Variants in SAMD5 observed in about 807,000 individuals in gnomAD.
SAMD5 encodes sterile alpha motif domain-containing protein 5.
In SAMD5, 13 loss-of-function variants were observed where a neutral mutation model predicts 11.3. The observed-to-expected ratio is 1.15, with a 90% CI of 0.75 to 1.83. The LOEUF is 1.83. Among genes scored for constraint, SAMD5 ranks in the 40% most tolerant of loss-of-function variants. The pLI is 0.00. For synonymous variants in SAMD5, 129 were observed against 111.3 expected (o/e 1.16, Z -1.00); for missense variants, 255 against 239.1 (o/e 1.07, Z -0.44).
rs368223383 is a variant in SAMD5, at chr6:147,659,306, GT to G, written c.163-78002del. Among the ~76,000 whole-genome samples the G allele has an allele frequency of 3.7e-3, 557 of 149,434 alleles. 2 individuals carry two copies. Among genetic ancestry groups the G allele is most frequent in the African/African-American group, 0.012 (491 of 40,758 alleles). On this transcript the variant is annotated intron_variant, in intron 1 of 1. Coordinates refer to the SAMD5 transcript ENST00000566741. ...TTATTGAATGTGGCAGGGAAATTTT[GT>G]TTTTTTTTCATGTCCCTGGTTCTGT...
intron 1 of SAMD5, chr6:147,729,953 C>T (rs1232732273): frequency 3.8e-5 from 16 of 416,344 alleles, no homozygotes; most frequent in South Asian, 1.3e-4. Flanking sequence ...GGTGTGATGG[C>T]GTGTGCCTGT....
chr6:147,615,349 G>T lies in SAMD5; in HGVS notation c.162+105962G>T, dbSNP rs144727707. 3.8e-3 allele frequency among the ~76,000 whole-genome samples: 579 copies of T among 152,086 alleles called. 3 individuals carry two copies. Among genetic ancestry groups the T allele is most frequent in the African/African-American group, 0.013 (542 of 41,518 alleles). On this transcript the variant is annotated intron_variant, in intron 1 of 1. Coordinates refer to the SAMD5 transcript ENST00000566741. ...AAAGCTCATTGAAATTTTAAATTAG[G>T]CTATATTAATGCCATGTGAATAAAT...
intron 1 of SAMD5, among the ~76,000 whole-genome samples, chr6:147,698,901 G>T (rs1380808171): frequency 1.3e-5 from 2 of 152,174 alleles, no homozygotes; most frequent in Admixed American, 1.3e-4. Context: ...ACTTTCAGTG[G>T]AGAGGTATCA....
chr6:147,941,499 A>C, the SAMD5 span, among the ~76,000 whole-genome samples: 1 of 152,206 alleles, frequency 6.6e-6, no homozygotes, highest in Non-Finnish European at 1.5e-5. Context: ...AACTGCTTAC[A>C]TTTCAGTTTA....
At chr6:147,523,053 C>T (rs1456948945) in intron 1 of SAMD5, among the ~76,000 whole-genome samples, 1 of 152,074 alleles carries the variant, frequency 6.6e-6, no homozygotes, top group Non-Finnish European at 1.5e-5. Context: ...TCTTCATCCT[C>T]CACTCTTCTA....
In SAMD5 at chr6:147,682,376, CTGTT is replaced by C. The variant is rs545896183; in HGVS notation, c.163-54934_163-54931del. Among the ~76,000 whole-genome samples, 180 of 152,258 alleles carry C rather than the reference CTGTT, an allele frequency of 1.2e-3. No individual in the cohort carries two copies. The Middle Eastern group carries it at 0.02, about 17-fold the overall frequency. On this transcript the variant is annotated intron_variant, in intron 1 of 1. Coordinates refer to the SAMD5 transcript ENST00000566741. ...TTGTATCTTGACCAGAATTGGAAGT[CTGTT>C]TGTTTGATCAGGAGTAGAAGTCTAT...
intron 1 of SAMD5, among the ~76,000 whole-genome samples, chr6:147,541,781 T>C (rs1227904617): frequency 6.6e-6 from 1 of 152,084 alleles, no homozygotes; most frequent in Non-Finnish European, 1.5e-5. Context: ...ATTGTCCTAT[T>C]CTCCGTCTGA....
At chr6:147,789,912 G>A in the SAMD5 span, among the ~76,000 whole-genome samples, 4 of 152,190 alleles carry the variant, frequency 2.6e-5, no homozygotes, top group Non-Finnish European at 4.4e-5. Context: ...TATTAGAAGG[G>A]CTAAAATCCA....
At chr6:147,769,261 G>A in the SAMD5 span, among the ~76,000 whole-genome samples, 4 of 152,212 alleles carry the variant, frequency 2.6e-5, no homozygotes, top group Non-Finnish European at 4.4e-5. Context: ...AGATTGCAAC[G>A]AATCAAGTGC....
At chr6:147,838,273 C>T in the SAMD5 span, among the ~76,000 whole-genome samples, 1 of 152,002 alleles carries the variant, frequency 6.6e-6, no homozygotes, top group Non-Finnish European at 1.5e-5. Flanking sequence ...CTGACAAATA[C>T]CATAAAATAT....
chr6:147,927,144 C>A, the SAMD5 span, among the ~76,000 whole-genome samples: 1 of 151,998 alleles, frequency 6.6e-6, no homozygotes, highest in South Asian at 2.1e-4. Flanking sequence ...CTTGGTTATT[C>A]GGGCTTTTTT....
intron 1 of SAMD5, among the ~76,000 whole-genome samples, chr6:147,575,212 T>A (rs1361324330): frequency 6.6e-6 from 1 of 152,230 alleles, no homozygotes; most frequent in Non-Finnish European, 1.5e-5. Flanking sequence ...GGCCCTGTTG[T>A]CCTCACAGGT....
chr6:147,673,818 G>A (rs1790828632), intron 1 of SAMD5, among the ~76,000 whole-genome samples: 1 of 152,136 alleles, frequency 6.6e-6, no homozygotes, highest in African/African-American at 2.4e-5. Flanking sequence ...ATGAAAGATG[G>A]AGGGAAAAGG....
the SAMD5 span, among the ~76,000 whole-genome samples, chr6:147,918,263 T>A: frequency 6.6e-6 from 1 of 152,206 alleles, no homozygotes; most frequent in Non-Finnish European, 1.5e-5. Context: ...TAGTTCTGCT[T>A]GAAGAGGTCC....
the SAMD5 span, among the ~76,000 whole-genome samples, chr6:147,785,866 CT>C: frequency 6.6e-6 from 1 of 152,172 alleles, no homozygotes; most frequent in Non-Finnish European, 1.5e-5. Flanking sequence ...CAGATAATGA[CT>C]TTTGATAAAT....
the SAMD5 span, among the ~76,000 whole-genome samples, chr6:147,936,226 G>T: frequency 6.6e-6 from 1 of 152,110 alleles, no homozygotes; most frequent in African/African-American, 2.4e-5. Context: ...TATTACCCTT[G>T]TATTAGTAGG....
At chr6:147,847,131 A>G in the SAMD5 span, among the ~76,000 whole-genome samples, 6 of 152,284 alleles carry the variant, frequency 3.9e-5, no homozygotes, top group African/African-American at 1.4e-4. Flanking sequence ...AAACCAGTGA[A>G]GACCAAAGAC....
rs143814499 is a variant in SAMD5 at position 147,718,052 on chromosome 6, A to G, written c.163-19265A>G. The stretch of plus-strand genomic sequence containing the variant: ...CCATTTGTGGTATCATTCACAAGAG[A>G]AATTTCCCCTTTTTGAAAAGTATTG... On this transcript the variant is annotated intron_variant, in intron 1 of 1. Transcript: ENST00000566741. 2.5e-3 allele frequency among the ~76,000 whole-genome samples: 383 copies of G among 152,302 alleles called. 1 individual carries two copies. The highest frequency in any genetic ancestry group is 8.5e-3 in the African/African-American group (354 of 41,560).
At chr6:147,877,550 G>T in the SAMD5 span, among the ~76,000 whole-genome samples, 2 of 152,100 alleles carry the variant, frequency 1.3e-5, no homozygotes, top group African/African-American at 4.8e-5. Context: ...GCTTGGCTAT[G>T]GTGCCCAGTT....
Sources: allele counts gnomAD v4.1 joint callset (sites outside exome capture counted in the v4.1 genomes callset), GRCh38; gene constraint gnomAD v4.1.1; transcripts MANE v1.5; gene names NCBI Gene and HGNC (gene_info 2026-07-23, HGNC 2026-07-21).